COG5: variants seen among roughly 807,000 people sequenced by gnomAD.
COG5 encodes conserved oligomeric Golgi complex subunit 5.
In COG5, 86 loss-of-function variants were observed where a neutral mutation model predicts 110.4. That is an observed-to-expected ratio of 0.78 (90% CI 0.65 to 0.93). The LOEUF (loss-of-function observed/expected upper bound fraction) is 0.93. Among genes scored for constraint, COG5 ranks in the 40% least tolerant of loss-of-function variants. COG5 has a pLI of 0.00. For missense variants in COG5, 1,077 were observed against 987.0 expected, an observed-to-expected ratio of 1.09 and a Z score of -1.22; for synonymous variants, 360 against 334.6, an observed-to-expected ratio of 1.08 and a Z score of -0.83.
intron 6 of COG5, among the ~76,000 whole-genome samples, chr7:107,415,309 C>T (rs1792640402): frequency 6.6e-6 from 1 of 151,954 alleles, no homozygotes; most frequent in Non-Finnish European, 1.5e-5. Flanking sequence ...AGATTATTTA[C>T]AGATATGGAG....
chr7:107,358,878 G>C (rs1346350160), intron 10 of COG5, among the ~76,000 whole-genome samples: 3 of 152,094 alleles, frequency 2.0e-5, no homozygotes, highest in South Asian at 2.1e-4. Context: ...TTGGAAGCTT[G>C]CATCTGGTCT....
chr7:107,545,483 T>C (rs1204685783), intron 5 of COG5, among the ~76,000 whole-genome samples: 2 of 151,864 alleles, frequency 1.3e-5, no homozygotes, highest in African/African-American at 4.8e-5. Flanking sequence ...CTATTCAAAG[T>C]GCTGAAAGAA....
intron 6 of COG5, among the ~76,000 whole-genome samples, chr7:107,447,417 A>C (rs1248993326): frequency 6.6e-6 from 1 of 152,196 alleles, no homozygotes; most frequent in African/African-American, 2.4e-5. Context: ...TTAGGGGGCT[A>C]TTATTCTTCA....
At chr7:107,409,592 C>A (rs1231034814) in intron 7 of COG5, among the ~76,000 whole-genome samples, 1 of 152,128 alleles carries the variant, frequency 6.6e-6, no homozygotes, top group African/African-American at 2.4e-5. Flanking sequence ...ATTGAAGAAT[C>A]CTTTTTCCTT....
At chr7:107,255,821 T>C (rs927470448) in intron 16 of COG5, among the ~76,000 whole-genome samples, 3 of 152,094 alleles carry the variant, frequency 2.0e-5, no homozygotes, top group African/African-American at 7.2e-5. Flanking sequence ...AGTCTACGCT[T>C]TATGGCCTTA....
chr7:107,359,302 TG>T (rs1327102196), intron 10 of COG5, among the ~76,000 whole-genome samples: 11 of 152,182 alleles, frequency 7.2e-5, no homozygotes, highest in African/African-American at 2.4e-4. Flanking sequence ...GCCAGGTGTG[TG>T]CAGACTCAGG....
At chr7:107,291,370 C>T (rs1039942680) in intron 12 of COG5, among the ~76,000 whole-genome samples, 5 of 152,190 alleles carry the variant, frequency 3.3e-5, no homozygotes, top group Non-Finnish European at 5.9e-5. Context: ...GCCACCACAA[C>T]CAGCCAAAAC....
intron 6 of COG5, among the ~76,000 whole-genome samples, chr7:107,461,726 T>A (rs1223172867): frequency 6.6e-6 from 1 of 152,226 alleles, no homozygotes; most frequent in Non-Finnish European, 1.5e-5. Context: ...AAGTTCAATA[T>A]TCAAAATTCA....
chr7:107,489,886 T>C (rs1797881501), intron 6 of COG5, among the ~76,000 whole-genome samples: 1 of 152,118 alleles, frequency 6.6e-6, no homozygotes, highest in African/African-American at 2.4e-5. Context: ...TCTGATTCTC[T>C]TTGCCCATCT....
chr7:107,505,636 C>T (rs1249557729), intron 6 of COG5, among the ~76,000 whole-genome samples: 1 of 152,214 alleles, frequency 6.6e-6, no homozygotes, highest in Non-Finnish European at 1.5e-5. Context: ...GACTGCCTGA[C>T]TGTTGGGGCA....
chr7:107,514,587 A>T (rs751575545), intron 6 of COG5, among the ~76,000 whole-genome samples: 2 of 152,228 alleles, frequency 1.3e-5, no homozygotes, highest in Admixed American at 6.5e-5. Flanking sequence ...TTAAGAAAAG[A>T]GTATAGCATT....
intron 14 of COG5, among the ~76,000 whole-genome samples, chr7:107,267,976 T>C (rs929467957): frequency 6.6e-6 from 1 of 152,180 alleles, no homozygotes; most frequent in Non-Finnish European, 1.5e-5. Context: ...ATTCTTTTTG[T>C]TGTTTTTTTG....
intron 8 of COG5, among the ~76,000 whole-genome samples, chr7:107,365,544 C>G (rs1467358396): frequency 7.8e-6 from 1 of 128,104 alleles, no homozygotes; most frequent in African/African-American, 3.0e-5. Flanking sequence ...TTGATTACAG[C>G]TGAGATCTAC....
intron 6 of COG5, among the ~76,000 whole-genome samples, chr7:107,464,507 TAAAC>T (rs1001940832): frequency 3.9e-5 from 6 of 152,130 alleles, no homozygotes; most frequent in African/African-American, 1.4e-4. Flanking sequence ...CCCCACCACT[TAAAC>T]AAGAGCATTC....
At chr7:107,513,116 C>T (rs1446309428) in intron 6 of COG5, among the ~76,000 whole-genome samples, 1 of 151,236 alleles carries the variant, frequency 6.6e-6, no homozygotes, top group Admixed American at 6.6e-5. Context: ...AGGCAACCTA[C>T]AAAATGGGAG....
At chr7:107,405,174 A>G (rs937019656) in intron 7 of COG5, among the ~76,000 whole-genome samples, 3 of 152,186 alleles carry the variant, frequency 2.0e-5, no homozygotes, top group African/African-American at 7.2e-5. Context: ...TAATTTCCTA[A>G]CCTTTCCATC....
intron 10 of COG5, among the ~76,000 whole-genome samples, chr7:107,351,315 G>A (rs974565716): frequency 2.0e-5 from 3 of 152,098 alleles, no homozygotes; most frequent in Non-Finnish European, 4.4e-5. Context: ...AATTCAAGAT[G>A]GATTAAAGAC....
chr7:107,311,570 T>C (rs895035532), intron 11 of COG5, among the ~76,000 whole-genome samples: 1 of 149,708 alleles, frequency 6.7e-6, no homozygotes, highest in African/African-American at 2.4e-5. Context: ...ATTTTTTGTA[T>C]TTTTAGTAGA....
Position 107,379,565 on chromosome 7 carries a change from G to C in COG5, c.670-6805C>G, listed in dbSNP as rs1335067937. Among the ~76,000 whole-genome samples, 5 of 148,218 alleles carry C rather than the reference G, an allele frequency of 3.4e-5. No homozygotes were observed. The East Asian group carries it at 8.1e-4, about 24-fold the overall frequency. ...TGACACACACAGGCTCAAAATAAAG[G>C]GATGCAGGAATATTTACCAAGCAAA... On this transcript the variant is annotated intron_variant, in intron 7 of 21. Transcript: ENST00000297135.
Sources: allele counts gnomAD v4.1 joint callset (sites outside exome capture counted in the v4.1 genomes callset), GRCh38; gene constraint gnomAD v4.1.1; transcripts MANE v1.5; gene names NCBI Gene and HGNC (gene_info 2026-07-23, HGNC 2026-07-21).